ADGB: variants seen among roughly 807,000 people sequenced by gnomAD.
ADGB encodes androglobin, also known as calpain-7-like protein.
A neutral mutation model predicts 210.5 loss-of-function variants in ADGB; 172 were observed. The ratio of observed to expected loss-of-function variants is 0.82; its 90% confidence interval spans 0.72 to 0.93. ADGB has a LOEUF of 0.93. ADGB is among the 40% of genes least tolerant of loss of function. ADGB has a pLI of 0.00. For synonymous variants in ADGB, 658 were observed against 662.7 expected (o/e 0.99, Z 0.11); for missense variants, 2,025 against 1,964.8 (o/e 1.03, Z -0.58).
chr6:146,776,459 T>G (rs1361306957), intron 29 of ADGB, among the ~76,000 whole-genome samples: 1 of 151,998 alleles, frequency 6.6e-6, no homozygotes, highest in African/African-American at 2.4e-5. Flanking sequence ...AACTTAAAAT[T>G]TATGTGAGAA....
chr6:146,814,997 G>T, intron 35 of ADGB, 35 bp from the exon 36 acceptor site: 9 of 1,514,712 alleles, frequency 5.9e-6, no homozygotes, highest in Non-Finnish European at 7.9e-6. Flanking sequence ...CTTTACCAGT[G>T]GAACTTATTT....
intron 18 of ADGB, chr6:146,725,332 G>A (rs1204108097): frequency 3.3e-5 from 5 of 152,218 alleles, no homozygotes; most frequent in Admixed American, 3.3e-4. Flanking sequence ...GTCCTGGTCC[G>A]AGGCCTGTTA....
intron 13 of ADGB, among the ~76,000 whole-genome samples, chr6:146,715,047 T>C (rs1776713667): frequency 1.3e-5 from 2 of 152,334 alleles, no homozygotes; most frequent in Non-Finnish European, 1.5e-5. Context: ...AAGTTATCTA[T>C]ATTAATAGCA....
intron 29 of ADGB, among the ~76,000 whole-genome samples, chr6:146,772,428 TA>T (rs1000079642): frequency 8.1e-4 from 119 of 147,254 alleles, no homozygotes; most frequent in African/African-American, 2.8e-3. Context: ...ATTTATTATA[TA>T]TATATATCAC....
chr6:146,647,080 G>T (rs1177890809), intron 3 of ADGB, among the ~76,000 whole-genome samples: 82 of 130,484 alleles, frequency 6.3e-4, no homozygotes, highest in African/African-American at 2.2e-3. Context: ...CAGAGTGAGA[G>T]CCTGTCTCAA....
At chr6:146,662,415 C>T (rs559588576) in intron 5 of ADGB, among the ~76,000 whole-genome samples, 28 of 152,210 alleles carry the variant, frequency 1.8e-4, no homozygotes, top group Middle Eastern at 3.4e-3. Flanking sequence ...CTATTGATCT[C>T]ATCAATTGAG....
chr6:146,656,771 C>T lies in ADGB; in HGVS notation c.403C>T (p.Leu135=). Residue 135 remains leucine (L), a splice_region_variant and synonymous_variant, in exon 5 of 36, where the codon CTG becomes TTG. Coordinates refer to ENST00000397944, the MANE Select transcript of ADGB (RefSeq NM_024694.4). Reference sequence around the variant, plus strand: ...TAACCCTAATGTTTTTTATCTCTAGCTGATGAGATGGATTATCAGTGAAAT... The same window carrying T: ...TAACCCTAATGTTTTTTATCTCTAGTTGATGAGATGGATTATCAGTGAAAT... ...SANEHLLCSE[L]MRWIISEIYA... 6.6e-7 allele frequency: 1 copy of T among 1,520,656 alleles called. No individual in the cohort carries two copies. Among genetic ancestry groups the T allele is most frequent in the Non-Finnish European group, 8.8e-7 (1 of 1,130,900 alleles). The allele number at this position is 1,520,656 out of a possible 1,614,324, so 94.2% of individuals were successfully genotyped here.
chr6:146,814,467 G>T (rs1489742592), intron 35 of ADGB, among the ~76,000 whole-genome samples: 3 of 152,176 alleles, frequency 2.0e-5, no homozygotes, highest in Non-Finnish European at 4.4e-5. Flanking sequence ...AGAGAGTGCA[G>T]TTAAGCAAGA....
intron 7 of ADGB, among the ~76,000 whole-genome samples, chr6:146,667,419 G>C (rs1201915489): frequency 6.6e-6 from 1 of 151,968 alleles, no homozygotes; most frequent in African/African-American, 2.4e-5. Context: ...CTGGCACAAG[G>C]GAGTGAGGGG....
intron 23 of ADGB, among the ~76,000 whole-genome samples, chr6:146,740,206 C>A (rs920442430): frequency 4.6e-5 from 7 of 152,102 alleles, no homozygotes; most frequent in African/African-American, 1.7e-4. Context: ...AATCATGAAT[C>A]ATGTTTCCTT....
chr6:146,811,051 A>G (rs1469950318), intron 35 of ADGB, among the ~76,000 whole-genome samples: 1 of 152,188 alleles, frequency 6.6e-6, no homozygotes. Flanking sequence ...ACATCTGCCC[A>G]CTTGTATATG....
chr6:146,744,433 T>C (rs1448733236), intron 25 of ADGB, among the ~76,000 whole-genome samples: 2 of 152,188 alleles, frequency 1.3e-5, no homozygotes, highest in African/African-American at 4.8e-5. Flanking sequence ...TTACCTGATG[T>C]TGTGTCTTCT....
intron 28 of ADGB, 136 bp from the exon 29 acceptor site, chr6:146,768,884 C>T (rs918746729): frequency 4.2e-6 from 2 of 471,290 alleles, no homozygotes; most frequent in Middle Eastern, 6.0e-4. Context: ...TGGAGAACAT[C>T]CAGCATGATT....
chr6:146,704,010 T>C (rs539436462), intron 13 of ADGB, among the ~76,000 whole-genome samples: 86 of 152,092 alleles, frequency 5.7e-4, no homozygotes, highest in African/African-American at 1.9e-3. Flanking sequence ...TTTTAACAGG[T>C]GTGAAGTGAT....
At chr6:146,649,103 A>C (rs945615354) in intron 3 of ADGB, among the ~76,000 whole-genome samples, 5 of 151,408 alleles carry the variant, frequency 3.3e-5, no homozygotes, top group Admixed American at 6.6e-5. Context: ...ACAGTGTATA[A>C]TAGATTACTT....
intron 6 of ADGB, among the ~76,000 whole-genome samples, chr6:146,666,004 C>T (rs913508494): frequency 1.3e-5 from 2 of 151,938 alleles, no homozygotes; most frequent in Non-Finnish European, 2.9e-5. Flanking sequence ...CTTTGAAATA[C>T]GTAGACATAT....
intron 12 of ADGB, among the ~76,000 whole-genome samples, chr6:146,694,182 C>G (rs567197332): frequency 3.3e-5 from 5 of 152,238 alleles, no homozygotes; most frequent in African/African-American, 1.2e-4. Context: ...ATCCCACTTG[C>G]TAGCATTCAT....
At chr6:146,628,997 C>A (rs2114851744) in intron 1 of ADGB, among the ~76,000 whole-genome samples, 1 of 152,226 alleles carries the variant, frequency 6.6e-6, no homozygotes. Flanking sequence ...AATTTGTTTA[C>A]ATAGCAATAT....
chr6:146,691,477 A>AAT (rs1198158237), intron 11 of ADGB, among the ~76,000 whole-genome samples, 187 bp downstream of exon 11: 2,469 of 18,528 alleles, frequency 0.13, 443 homozygotes, highest in Middle Eastern at 0.27. Context: ...TATATATATA[A>AAT]ATATATATAT....
Sources: gnomAD v4.1 joint callset for allele counts (sites outside exome capture counted in the v4.1 genomes callset) on GRCh38, gnomAD v4.1.1 for gene constraint, MANE v1.5 for transcripts, NCBI Gene and HGNC (gene_info 2026-07-23, HGNC 2026-07-21) for gene names.